Variants in ITFG1 observed in about 807,000 individuals in gnomAD.
The protein encoded by ITFG1 is integrin alpha FG-GAP repeat containing 1, also known as T-cell immunomodulatory protein.
In ITFG1, 34 loss-of-function variants were observed where a neutral mutation model predicts 81.8. That is an observed-to-expected ratio of 0.42 (90% CI 0.32 to 0.55). The LOEUF (loss-of-function observed/expected upper bound fraction) is 0.55. ITFG1 is among the 20% of genes least tolerant of loss of function. The pLI is 0.17. For synonymous variants in ITFG1, 285 were observed against 270.6 expected, an observed-to-expected ratio of 1.05 and a Z score of -0.52; for missense variants, 672 against 755.4, an observed-to-expected ratio of 0.89 and a Z score of 1.29.
intron 8 of ITFG1, among the ~76,000 whole-genome samples, chr16:47,344,400 G>C (rs1050374397): frequency 6.6e-6 from 1 of 152,204 alleles, no homozygotes; most frequent in African/African-American, 2.4e-5. Flanking sequence ...TTCCAAAACT[G>C]AGATTGTTGT....
intron 6 of ITFG1, among the ~76,000 whole-genome samples, chr16:47,428,507 AT>A (rs1969052182): frequency 6.6e-6 from 1 of 151,486 alleles, no homozygotes; most frequent in Non-Finnish European, 1.5e-5. Context: ...AAAATTTTTA[AT>A]AAAAAAGGTA....
At chr16:47,378,930 C>T (rs570789380) in intron 6 of ITFG1, among the ~76,000 whole-genome samples, 1 of 152,240 alleles carries the variant, frequency 6.6e-6, no homozygotes, top group East Asian at 1.9e-4. Flanking sequence ...AAATGTACTC[C>T]AGAAACTGTC....
chr16:47,447,127 CAA>C (rs1969334413), intron 5 of ITFG1, among the ~76,000 whole-genome samples: 1 of 152,130 alleles, frequency 6.6e-6, no homozygotes, highest in African/African-American at 2.4e-5. Context: ...CTCATCCTCC[CAA>C]AGTGTTGGGA....
chr16:47,180,807 C>T (rs1193100560), intron 14 of ITFG1, among the ~76,000 whole-genome samples: 3 of 151,704 alleles, frequency 2.0e-5, no homozygotes, highest in Admixed American at 6.6e-5. Context: ...GCCGCCACCC[C>T]GTCTGGGAAG....
chr16:47,385,639 G>A (rs1026844834), intron 6 of ITFG1, among the ~76,000 whole-genome samples: 4 of 152,246 alleles, frequency 2.6e-5, no homozygotes, highest in African/African-American at 9.6e-5. Context: ...GCAGCAAAGA[G>A]TAAACCTTAC....
At chr16:47,433,899 T>C (rs1231670671) in intron 5 of ITFG1, among the ~76,000 whole-genome samples, 2 of 109,130 alleles carry the variant, frequency 1.8e-5, no homozygotes, top group East Asian at 2.5e-4. Flanking sequence ...TATATATATA[T>C]ATATATAGTT....
intron 6 of ITFG1, chr16:47,426,300 C>T (rs891354641): frequency 6.6e-6 from 1 of 151,748 alleles, no homozygotes; most frequent in Non-Finnish European, 1.5e-5. Context: ...AAGTCTCATA[C>T]TATTGAACTA....
At chr16:47,186,420 G>A (rs952709343) in intron 14 of ITFG1, among the ~76,000 whole-genome samples, 2 of 152,158 alleles carry the variant, frequency 1.3e-5, no homozygotes, top group African/African-American at 4.8e-5. Flanking sequence ...CCATGATCAA[G>A]TGGGCTTCAT....
intron 8 of ITFG1, among the ~76,000 whole-genome samples, chr16:47,339,690 C>T (rs188454964): frequency 2.6e-5 from 4 of 151,836 alleles, no homozygotes; most frequent in Admixed American, 6.6e-5. Flanking sequence ...AAAGAAAAAA[C>T]GATGAAGAAA....
chr16:47,204,954 A>G (rs1324731433), intron 14 of ITFG1, among the ~76,000 whole-genome samples: 2 of 152,156 alleles, frequency 1.3e-5, no homozygotes, highest in Non-Finnish European at 2.9e-5. Context: ...TTGCTAAACT[A>G]TCAAAAGACA....
chr16:47,293,722 T>G (rs928453861), intron 10 of ITFG1, among the ~76,000 whole-genome samples: 1 of 152,036 alleles, frequency 6.6e-6, no homozygotes. Context: ...TTTTTGGTTG[T>G]TGTTGGATTG....
chr16:47,186,064 A>G (rs1199147948), intron 14 of ITFG1, among the ~76,000 whole-genome samples: 3 of 152,228 alleles, frequency 2.0e-5, no homozygotes, highest in Non-Finnish European at 4.4e-5. Flanking sequence ...AACCAGGAAG[A>G]AGTTGAATCT....
rs796283043 is a variant in ITFG1, at chr16:47,163,954, T to TACAC, written c.1454-1294_1454-1291dup. On this transcript the variant is annotated intron_variant, in intron 14 of 17. Transcript: ENST00000320640. ...ACACACACACACACACACACACACATACACACACACACACACCAATTAAGT... is the reference window on the plus strand; with the variant it reads ...ACACACACACACACACACACACACATACACACACACACACACACACCAATTAAGT... 5.6e-3 allele frequency among the ~76,000 whole-genome samples: 539 copies of TACAC among 96,770 alleles called. 2 individuals are homozygous for TACAC. Among genetic ancestry groups the TACAC allele is most frequent in the Middle Eastern group, 0.014 (3 of 210 alleles). 63.5% of individuals were successfully genotyped at this position (96,770 alleles called of 152,430 possible). A position where few individuals can be genotyped will look rare whatever the true frequency, so the allele number is the denominator to read the frequency against.
intron 14 of ITFG1, among the ~76,000 whole-genome samples, chr16:47,185,291 A>G (rs1965195974): frequency 6.6e-6 from 1 of 152,248 alleles, no homozygotes; most frequent in Non-Finnish European, 1.5e-5. Flanking sequence ...ATAGACAGCT[A>G]CAGAACTCTC....
At chr16:47,325,053 C>T (rs996696413) in intron 8 of ITFG1, among the ~76,000 whole-genome samples, 23 of 152,184 alleles carry the variant, frequency 1.5e-4, no homozygotes, top group Admixed American at 6.5e-4. Flanking sequence ...CCACACCACA[C>T]CTATTCCAAA....
At chr16:47,364,909 C>T (rs182311239) in intron 8 of ITFG1, among the ~76,000 whole-genome samples, 1 of 152,334 alleles carries the variant, frequency 6.6e-6, no homozygotes, top group East Asian at 1.9e-4. Context: ...CCAGGATGGA[C>T]TTGAATTCCT....
At chr16:47,433,942 A>AGG (rs1433032544) in intron 5 of ITFG1, among the ~76,000 whole-genome samples, 1 of 142,268 alleles carries the variant, frequency 7.0e-6, no homozygotes, top group Non-Finnish European at 1.5e-5. Context: ...ATAGGTTTAT[A>AGG]GTTGAAAGTA....
At chr16:47,346,674 T>A (rs1385494669) in intron 8 of ITFG1, among the ~76,000 whole-genome samples, 1 of 152,208 alleles carries the variant, frequency 6.6e-6, no homozygotes, top group Non-Finnish European at 1.5e-5. Context: ...AAGACACTGA[T>A]AAATTCCTGG....
At chr16:47,379,322 C>T (rs1968365884) in intron 6 of ITFG1, among the ~76,000 whole-genome samples, 1 of 152,136 alleles carries the variant, frequency 6.6e-6, no homozygotes, top group South Asian at 2.1e-4. Context: ...ATCTCAGTCT[C>T]AAAGTCTGCT....
Sources: allele counts gnomAD v4.1 joint callset (sites outside exome capture counted in the v4.1 genomes callset), GRCh38; gene constraint gnomAD v4.1.1; transcripts MANE v1.5; gene names NCBI Gene and HGNC (gene_info 2026-07-23, HGNC 2026-07-21).